The following GPHN variants were observed in gnomAD, a reference collection of about 807,000 sequenced individuals.
GPHN encodes the protein gephyrin.
In GPHN, 17 loss-of-function variants were observed where a neutral mutation model predicts 95.5. The observed-to-expected ratio is 0.18, with a 90% CI of 0.12 to 0.27. The LOEUF (loss-of-function observed/expected upper bound fraction) is 0.27. Among genes scored for constraint, GPHN ranks in the 10% least tolerant of loss-of-function variants. The pLI is 1.00. For missense variants in GPHN, 660 were observed against 978.1 expected, an observed-to-expected ratio of 0.67 and a Z score of 4.34; for synonymous variants, 320 against 322.5, an observed-to-expected ratio of 0.99 and a Z score of 0.08.
intron 21 of GPHN, among the ~76,000 whole-genome samples, chr14:67,173,176 A>G (rs7154905): frequency 0.31 from 46,432 of 152,014 alleles, 11,054 homozygotes; most frequent in African/African-American, 0.64. Context: ...AGGTGCCACA[A>G]TGGGTTCACA....
At chr14:67,642,793 C>CTTTTTT in the GPHN span, among the ~76,000 whole-genome samples, 2,019 of 75,534 alleles carry the variant, frequency 0.027, 586 homozygotes, top group South Asian at 0.095. Flanking sequence ...ACTACATTTT[C>CTTTTTT]TTTTTTTTTT....
chr14:67,030,077 A>G (rs946931765), intron 10 of GPHN, among the ~76,000 whole-genome samples: 1 of 151,036 alleles, frequency 6.6e-6, no homozygotes, highest in Admixed American at 6.6e-5. Context: ...TATATTATGC[A>G]TGAGCAAGAC....
intron 9 of GPHN, among the ~76,000 whole-genome samples, chr14:67,001,612 G>A (rs1223899527): frequency 1.3e-5 from 2 of 151,386 alleles, no homozygotes; most frequent in African/African-American, 4.8e-5. Context: ...ATTAAATTTT[G>A]TCATTTTTGT....
the GPHN span, among the ~76,000 whole-genome samples, chr14:67,356,778 A>C: frequency 6.6e-6 from 1 of 152,330 alleles, no homozygotes; most frequent in East Asian, 1.9e-4. Context: ...GACTGGTCTC[A>C]CAAGAGGTCT....
At chr14:67,704,549 C>G in the GPHN span, among the ~76,000 whole-genome samples, 35 of 152,076 alleles carry the variant, frequency 2.3e-4, no homozygotes, top group Non-Finnish European at 2.5e-4. Context: ...TAGGCACTTG[C>G]AAGTGGAAGG....
chr14:66,605,157 A>C (rs543051162), intron 1 of GPHN, among the ~76,000 whole-genome samples: 186 of 152,242 alleles, frequency 1.2e-3, no homozygotes, highest in Non-Finnish European at 2.1e-3. Flanking sequence ...TGATGCAGTG[A>C]ACATATCGGT....
the GPHN span, among the ~76,000 whole-genome samples, chr14:67,343,986 T>G: frequency 5.1e-4 from 77 of 152,320 alleles, no homozygotes; most frequent in Middle Eastern, 6.8e-3. Context: ...TTGAGGGATC[T>G]TATGATTCAT....
Position 66,801,900 on chromosome 14 carries a change from A to G in GPHN, c.202-22574A>G, listed in dbSNP as rs533219965. 2.0e-5 allele frequency among the ~76,000 whole-genome samples: 3 copies of G among 152,194 alleles called. No individual in the cohort carries two copies. In the South Asian group the frequency reaches 6.2e-4, roughly 32 times the overall value. On this transcript the variant is annotated intron_variant, in intron 3 of 22. Coordinates refer to ENST00000478722, the MANE Select transcript of GPHN (RefSeq NM_020806.5). Reference sequence around the variant, plus strand: ...TTGTGGCCACCATCTCTAGGACTGCACTGGATCAGGCCTGAAACCAGCACA... The same window carrying G: ...TTGTGGCCACCATCTCTAGGACTGCGCTGGATCAGGCCTGAAACCAGCACA...
chr14:67,424,946 T>C, the GPHN span, among the ~76,000 whole-genome samples: 1 of 152,174 alleles, frequency 6.6e-6, no homozygotes, highest in Non-Finnish European at 1.5e-5. Context: ...GAGGCAGGGC[T>C]CCCTTCTCAT....
At chr14:67,302,005 C>T in the GPHN span, 10 of 1,606,334 alleles carry the variant, frequency 6.2e-6, no homozygotes, top group Non-Finnish European at 7.6e-6. Flanking sequence ...GGTTGCTGAG[C>T]AGGAAATGCA....
the GPHN span, among the ~76,000 whole-genome samples, chr14:67,629,288 A>C: frequency 5.9e-5 from 9 of 152,188 alleles, no homozygotes; most frequent in African/African-American, 1.9e-4. Flanking sequence ...GTGAGCTATG[A>C]TCATACCACT....
intron 5 of GPHN, among the ~76,000 whole-genome samples, chr14:66,898,812 A>T (rs2064991834): frequency 6.6e-6 from 1 of 151,884 alleles, no homozygotes; most frequent in Admixed American, 6.6e-5. Flanking sequence ...TCTGGATGTA[A>T]ATTTGGGTGG....
the GPHN span, chr14:67,727,533 A>G: frequency 1.3e-5 from 4 of 317,098 alleles, no homozygotes; most frequent in African/African-American, 2.3e-5. Flanking sequence ...CCCAGGCTGG[A>G]GTGCAGTAGT....
the GPHN span, chr14:67,203,147 C>A: frequency 6.2e-7 from 1 of 1,613,868 alleles, no homozygotes; most frequent in South Asian, 1.1e-5. Flanking sequence ...ACTGGGTGAC[C>A]GTAGGCATCT....
At chr14:67,386,901 A>T in the GPHN span, 1 of 152,020 alleles carries the variant, frequency 6.6e-6, no homozygotes, top group South Asian at 2.0e-4. Flanking sequence ...CGTTGCTCGA[A>T]AACTATAAAC....
chr14:66,569,254 C>T (rs1185919605), intron 1 of GPHN, among the ~76,000 whole-genome samples: 2 of 152,134 alleles, frequency 1.3e-5, no homozygotes, highest in Non-Finnish European at 2.9e-5. Context: ...GGAAAACTGT[C>T]ACTATCATTG....
At chr14:67,693,217 A>G in the GPHN span, among the ~76,000 whole-genome samples, 1 of 152,224 alleles carries the variant, frequency 6.6e-6, no homozygotes, top group African/African-American at 2.4e-5. Context: ...GAAAGATGAC[A>G]AAAGTTTTCT....
At chr14:67,578,447 G>A in the GPHN span, 5 of 999,482 alleles carry the variant, frequency 5.0e-6, no homozygotes, top group South Asian at 1.4e-5. The surrounding 1 kb of genome is among the most constrained non-coding windows in gnomAD (Gnocchi z 5.0). Context: ...TGGGGAAAGA[G>A]TGCTGAAGGC....
the GPHN span, among the ~76,000 whole-genome samples, chr14:67,527,117 G>A: frequency 1.5e-3 from 222 of 152,266 alleles, 1 homozygote; most frequent in Admixed American, 3.5e-3. Flanking sequence ...TTTCAGCCTG[G>A]AAGGTGCCCC....
Sources: allele counts gnomAD v4.1 joint callset (sites outside exome capture counted in the v4.1 genomes callset), GRCh38; gene constraint gnomAD v4.1.1; non-coding constraint Gnocchi (gnomAD v3.1); transcripts MANE v1.5; gene names NCBI Gene and HGNC (gene_info 2026-07-23, HGNC 2026-07-21).